Variants in FERRY3 observed in about 807,000 individuals in gnomAD.
FERRY3 encodes FERRY endosomal RAB5 effector complex subunit 3, also known as protein C12orf4.
chr12:4,528,936 C>G, the FERRY3 span, among the ~76,000 whole-genome samples: 2 of 137,612 alleles, frequency 1.5e-5, no homozygotes, highest in Admixed American at 1.4e-4. Context: ...CACACACACA[C>G]ACAAACAAAA....
chr12:4,509,596 C>G, the FERRY3 span, among the ~76,000 whole-genome samples: 1 of 146,434 alleles, frequency 6.8e-6, no homozygotes, highest in African/African-American at 2.7e-5. Flanking sequence ...GACCCCTGAC[C>G]CCCGAGCAGC....
At chr12:4,513,549 T>G in the FERRY3 span, among the ~76,000 whole-genome samples, 2 of 151,126 alleles carry the variant, frequency 1.3e-5, no homozygotes, top group African/African-American at 4.9e-5. Context: ...AACAGAGATA[T>G]AGATCAATGG....
the FERRY3 span, among the ~76,000 whole-genome samples, chr12:4,503,867 T>A: frequency 6.6e-6 from 1 of 151,348 alleles, no homozygotes; most frequent in Admixed American, 6.6e-5. Flanking sequence ...GAGTTATGTT[T>A]AAAAAAAAAC....
the FERRY3 span, among the ~76,000 whole-genome samples, chr12:4,491,812 C>CA: frequency 1.3e-5 from 2 of 152,196 alleles, no homozygotes; most frequent in Admixed American, 6.5e-5. Context: ...TCCCCCTTCA[C>CA]AAACACCAGA....
chr12:4,536,156 T>C, the FERRY3 span: 1 of 1,602,418 alleles, frequency 6.2e-7, no homozygotes, highest in South Asian at 1.1e-5. Flanking sequence ...ATACAAATTC[T>C]CTCTCTCTAT....
At chr12:4,509,807 A>G in the FERRY3 span, among the ~76,000 whole-genome samples, 37 of 138,336 alleles carry the variant, frequency 2.7e-4, no homozygotes, top group East Asian at 1.6e-3. Flanking sequence ...AAAAAACAGA[A>G]CAGAAAAACT....
chr12:4,500,266 C>T, the FERRY3 span: 1 of 1,614,082 alleles, frequency 6.2e-7, no homozygotes. Flanking sequence ...CCCGATTTCA[C>T]ATGGTCATCC....
chr12:4,504,578 G>A, the FERRY3 span, among the ~76,000 whole-genome samples: 1 of 152,136 alleles, frequency 6.6e-6, no homozygotes, highest in South Asian at 2.1e-4. Context: ...AAGTTCAACT[G>A]TTTATATCTC....
the FERRY3 span, among the ~76,000 whole-genome samples, chr12:4,493,917 A>G: frequency 2.6e-5 from 4 of 151,976 alleles, no homozygotes; most frequent in African/African-American, 4.8e-5. Flanking sequence ...ACGTGGTGAA[A>G]CCCCGTCTCT....
chr12:4,510,343 T>G, the FERRY3 span, among the ~76,000 whole-genome samples: 6 of 137,582 alleles, frequency 4.4e-5, no homozygotes, highest in East Asian at 2.1e-4. Flanking sequence ...CCAGGAGAAC[T>G]TCCCCAATCT....
the FERRY3 span, among the ~76,000 whole-genome samples, chr12:4,521,392 G>C: frequency 6.6e-6 from 1 of 151,966 alleles, no homozygotes; most frequent in Non-Finnish European, 1.5e-5. Flanking sequence ...GAAGAAAAAA[G>C]AAGAGACAAC....
the FERRY3 span, among the ~76,000 whole-genome samples, chr12:4,515,821 A>AAAG: frequency 6.6e-6 from 1 of 152,216 alleles, no homozygotes; most frequent in Non-Finnish European, 1.5e-5. Flanking sequence ...CGGACACAGA[A>AAAG]AAGTGGTAAC....
At chr12:4,520,776 AAAT>A in the FERRY3 span, among the ~76,000 whole-genome samples, 3 of 152,218 alleles carry the variant, frequency 2.0e-5, no homozygotes, top group Non-Finnish European at 4.4e-5. Flanking sequence ...TGAAATAAAA[AAAT>A]TAAAAGTTTT....
the FERRY3 span, chr12:4,534,312 G>A: frequency 6.3e-7 from 1 of 1,592,588 alleles, no homozygotes; most frequent in Non-Finnish European, 8.5e-7. Flanking sequence ...TCTGTTACAG[G>A]GACATCAAAC....
the FERRY3 span, among the ~76,000 whole-genome samples, chr12:4,510,246 GA>G: frequency 1.3e-5 from 2 of 148,782 alleles, no homozygotes; most frequent in African/African-American, 2.6e-5. Flanking sequence ...GAGACTATGT[GA>G]AAAGACCAAA....
the FERRY3 span, among the ~76,000 whole-genome samples, chr12:4,530,856 G>A: frequency 6.1e-3 from 925 of 152,108 alleles, 10 homozygotes; most frequent in African/African-American, 0.022. Context: ...TCAACTCATC[G>A]GAGGAAACTG....
At chr12:4,504,629 G>A in the FERRY3 span, among the ~76,000 whole-genome samples, 1 of 152,110 alleles carries the variant, frequency 6.6e-6, no homozygotes, top group Non-Finnish European at 1.5e-5. Context: ...TTAGCTATAA[G>A]GCTGAGAAGT....
the FERRY3 span, among the ~76,000 whole-genome samples, chr12:4,535,712 G>A: frequency 6.6e-6 from 1 of 152,164 alleles, no homozygotes; most frequent in African/African-American, 2.4e-5. This position sits in a 1 kb window ranked among gnomAD's most constrained non-coding sequence, Gnocchi z 4.0. Context: ...AGCACAATTA[G>A]CGATAGCTAA....
the FERRY3 span, among the ~76,000 whole-genome samples, chr12:4,523,522 C>T: frequency 2.3e-4 from 35 of 152,092 alleles, no homozygotes; most frequent in African/African-American, 7.0e-4. Flanking sequence ...ACGTTTATTG[C>T]GGCACTATTC....
Sources: allele counts gnomAD v4.1 joint callset (sites outside exome capture counted in the v4.1 genomes callset), GRCh38; gene constraint gnomAD v4.1.1; non-coding constraint Gnocchi (gnomAD v3.1); transcripts MANE v1.5; gene names NCBI Gene and HGNC (gene_info 2026-07-23, HGNC 2026-07-21).